The following PRKDC variants were observed in gnomAD, a reference collection of about 807,000 sequenced individuals.
The protein encoded by PRKDC is protein kinase, DNA-activated, catalytic subunit.
Under a neutral mutation model 486.9 loss-of-function variants are expected in PRKDC, and 82 were observed. That is an observed-to-expected ratio of 0.17 (90% confidence interval 0.14 to 0.20). The LOEUF is 0.20. Among genes scored for constraint, PRKDC ranks in the 10% least tolerant of loss-of-function variants. The probability of loss-of-function intolerance (pLI) is 1.00; values close to 1 mark genes in which losing one functional copy is unlikely to be tolerated. For synonymous variants in PRKDC, 1,895 were observed against 1,837.0 expected (o/e 1.03, Z -0.81); for missense variants, 4,504 against 5,038.2 (o/e 0.89, Z 3.21).
chr8:47,774,323 A>G lies in PRKDC; in HGVS notation c.12237T>C (p.Ala4079=). The G allele has an allele frequency of 6.2e-7, 1 of 1,613,608 alleles. No individual in the cohort carries two copies. Among genetic ancestry groups the G allele is most frequent in the Non-Finnish European group, 8.5e-7 (1 of 1,179,804 alleles). Reference sequence around the variant, plus strand: ...TGTGATCTTTGCTTCCTCGTGCCACAGCCACATAGTCTCTGAAGGCAGGGG... The same window carrying G: ...TGTGATCTTTGCTTCCTCGTGCCACGGCCACATAGTCTCTGAAGGCAGGGG... The part of the protein sequence containing the change: ...EKAPAFRDYV[A]VARGSKDHNI... The change falls in exon 86 of 86, where the codon GCT becomes GCC. Residue 4079 remains alanine (A), a synonymous_variant. Transcript: ENST00000314191.
intron 17 of PRKDC, among the ~76,000 whole-genome samples, chr8:47,930,368 G>C (rs1177809011): frequency 6.6e-6 from 1 of 152,174 alleles, no homozygotes; most frequent in East Asian, 1.9e-4. Context: ...CACCTCCCGG[G>C]TTCATGCCAT....
intron 40 of PRKDC, among the ~76,000 whole-genome samples, chr8:47,875,061 C>G (rs1563779091): frequency 6.6e-6 from 1 of 151,972 alleles, no homozygotes. Context: ...TCCAAAAAAA[C>G]AAAAAAGCTA....
chr8:47,831,392 C>A (rs1179281983), intron 60 of PRKDC, among the ~76,000 whole-genome samples: 4 of 152,194 alleles, frequency 2.6e-5, no homozygotes, highest in South Asian at 4.1e-4. Context: ...CATTTCTAGG[C>A]GGAATGGACG....
intron 4 of PRKDC, 35 bp from the exon 5 acceptor site, chr8:47,954,481 C>T (rs963770504): frequency 8.5e-6 from 7 of 819,884 alleles, no homozygotes; most frequent in African/African-American, 3.6e-5. Flanking sequence ...CAATGTAGTG[C>T]GGGAATCAAG....
chr8:47,785,329 A>C lies in PRKDC; in HGVS notation c.10903-12T>G, dbSNP rs774923610. 1 of 1,545,818 alleles carries C rather than the reference A, an allele frequency of 6.5e-7. No individual in the cohort carries two copies. The highest frequency in any genetic ancestry group is 8.8e-7 in the Non-Finnish European group (1 of 1,138,194). On this transcript the variant is annotated splice_polypyrimidine_tract_variant and intron_variant, in intron 76 of 85. Coordinates refer to ENST00000314191, the MANE Select transcript of PRKDC (RefSeq NM_006904.7). ...TCTTTTCCAAAAGTCTGAAATTAGT[A>C]AGAATTTACTATAAAGACTGATGTT...
At chr8:47,862,158 C>G in intron 43 of PRKDC, 31 bp from the exon 44 acceptor site, 4 of 1,516,770 alleles carry the variant, frequency 2.6e-6, no homozygotes, top group Admixed American at 2.0e-5. Context: ...ATAAAAATAG[C>G]TGAATGGTGA....
chr8:47,898,400 T>G, intron 29 of PRKDC, 70 bp downstream of exon 29: 27 of 1,198,372 alleles, frequency 2.3e-5, no homozygotes, highest in Non-Finnish European at 3.1e-5. Context: ...CCATCCCAGG[T>G]TGTCCTTCAT....
Position 47,828,585 on chromosome 8 carries a change from A to G in PRKDC, c.8398-238T>C, listed in dbSNP as rs8178194. ...TTTTGGCCCAGAGAGATACATTTAA[A>G]AGCTGGCTTAATCAATACATAATGA... On this transcript the variant is annotated intron_variant, in intron 61 of 85. Transcript: ENST00000314191. Among the ~76,000 whole-genome samples, 607 of 152,322 alleles carry G rather than the reference A, an allele frequency of 4.0e-3. 4 individuals are homozygous for G. The highest frequency in any genetic ancestry group is 0.025 in the South Asian group (121 of 4,828).
In PRKDC at chr8:47,821,611, A is replaced by T. The variant is rs1344992948; in HGVS notation, c.9104T>A (p.Phe3035Tyr). 22 of 1,594,032 alleles carry T rather than the reference A, an allele frequency of 1.4e-5. No homozygotes were observed. Among genetic ancestry groups the T allele is most frequent in the Non-Finnish European group, 1.8e-5 (21 of 1,168,454 alleles). The change falls in exon 65 of 86, where the codon TTT becomes TAT. Residue 3035 changes from phenylalanine to tyrosine, a missense_variant. By Grantham distance (22) the Phe-to-Tyr change is conservative. Coordinates refer to ENST00000314191, the MANE Select transcript of PRKDC (RefSeq NM_006904.7). Reference sequence around the variant, plus strand: ...TAAAATAATTTTACCCACCTGATAAAATGGTTCACTCCAGATTTTATTTAG... The same window carrying T: ...TAAAATAATTTTACCCACCTGATAATATGGTTCACTCCAGATTTTATTTAG... ...PDLNKIWSEP[F>Y]YQETYLPYMI... is the part of the protein sequence containing the mutation.
rs772883495 is a variant in PRKDC at position 47,935,790 on chromosome 8, C to G, written c.1389G>C (p.Lys463Asn). Residue 463 changes from lysine (K) to asparagine (N), a missense_variant, in exon 13 of 86, where the codon AAG becomes AAC. Lys to Asn is a moderately conservative substitution (Grantham distance 94). Transcript: ENST00000314191. ...MQLVCCRAIV[K>N]VFLALAAKGP... The stretch of plus-strand genomic sequence containing the variant: ...CTTTTGCTGCCAAAGCTAGGAACAC[C>G]TTCACTATGGCTCTGCAACACACCA... The G allele has an allele frequency of 3.7e-6, 6 of 1,613,960 alleles. No homozygotes were observed. Among genetic ancestry groups the G allele is most frequent in the Non-Finnish European group, 5.1e-6 (6 of 1,179,880 alleles).
intron 85 of PRKDC, among the ~76,000 whole-genome samples, chr8:47,775,215 ATTAAT>A (rs1261923544): frequency 1.3e-5 from 2 of 151,104 alleles, no homozygotes; most frequent in Admixed American, 6.6e-5. Flanking sequence ...AAATAAATAA[ATTAAT>A]TAATTAATAG....
At chr8:47,866,771 T>C (rs984707484) in intron 40 of PRKDC, among the ~76,000 whole-genome samples, 1 of 151,932 alleles carries the variant, frequency 6.6e-6, no homozygotes, top group African/African-American at 2.4e-5. Flanking sequence ...AAAGAAGCAA[T>C]ACAGACATAC....
chr8:47,916,244 G>T (rs144187249), intron 22 of PRKDC, among the ~76,000 whole-genome samples: 1 of 151,996 alleles, frequency 6.6e-6, no homozygotes, highest in Non-Finnish European at 1.5e-5. Context: ...TCAGGAGTTC[G>T]AGACCAGCCT....
intron 25 of PRKDC, among the ~76,000 whole-genome samples, chr8:47,908,625 C>T (rs1454274585): frequency 6.6e-6 from 1 of 152,140 alleles, no homozygotes; most frequent in Non-Finnish European, 1.5e-5. Context: ...AACATCTATG[C>T]ACATGTCAAG....
At chr8:47,804,716 C>G (rs1057347676) in intron 69 of PRKDC, among the ~76,000 whole-genome samples, 2 of 152,078 alleles carry the variant, frequency 1.3e-5, no homozygotes, top group African/African-American at 4.8e-5. Flanking sequence ...TCTCATGGGT[C>G]TGGGAGTGGA....
At chr8:47,903,154 C>T (rs1214617660) in intron 26 of PRKDC, among the ~76,000 whole-genome samples, 1 of 152,112 alleles carries the variant, frequency 6.6e-6, no homozygotes, top group East Asian at 1.9e-4. Context: ...GTTGATTTTA[C>T]CCCATAACAG....
intron 54 of PRKDC, among the ~76,000 whole-genome samples, chr8:47,841,572 C>T (rs1048793110): frequency 3.3e-5 from 5 of 152,214 alleles, no homozygotes; most frequent in Non-Finnish European, 7.3e-5. Context: ...AGCTGTGGGC[C>T]TGGTCTCAGC....
intron 74 of PRKDC, among the ~76,000 whole-genome samples, chr8:47,791,545 A>C (rs1296361692): frequency 1.3e-5 from 2 of 152,138 alleles, no homozygotes; most frequent in African/African-American, 4.8e-5. Context: ...AAAAAAATCC[A>C]ATCTCATTTT....
At chr8:47,944,711 T>C (rs542552341) in intron 7 of PRKDC, among the ~76,000 whole-genome samples, 1 of 152,360 alleles carries the variant, frequency 6.6e-6, no homozygotes, top group African/African-American at 2.4e-5. Flanking sequence ...TATAGAGTCA[T>C]GCTTTATTCA....
Sources: gnomAD v4.1 joint callset for allele counts (sites outside exome capture counted in the v4.1 genomes callset) on GRCh38, gnomAD v4.1.1 for gene constraint, MANE v1.5 for transcripts, NCBI Gene and HGNC (gene_info 2026-07-23, HGNC 2026-07-21) for gene names.